FOXP2: variants seen among roughly 807,000 people sequenced by gnomAD.
FOXP2 encodes forkhead box P2.
Under a neutral mutation model 115.8 loss-of-function variants are expected in FOXP2, and 12 were observed. That is an observed-to-expected ratio of 0.10 (90% CI 0.07 to 0.17). The LOEUF (loss-of-function observed/expected upper bound fraction) is 0.17, where lower values mean the gene tolerates loss of function less well. Among genes scored for constraint, FOXP2 ranks in the 10% least tolerant of loss-of-function variants. FOXP2 has a pLI of 1.00. For synonymous variants in FOXP2, 328 were observed against 297.7 expected (o/e 1.10, Z -1.05); for missense variants, 629 against 843.5 (o/e 0.75, Z 3.15).
At chr7:114,269,819 T>C (rs1795990144) in intron 1 of FOXP2, among the ~76,000 whole-genome samples, 1 of 152,180 alleles carries the variant, frequency 6.6e-6, no homozygotes, top group Non-Finnish European at 1.5e-5. Flanking sequence ...AAATTTACAA[T>C]TTTGTATCAA....
intron 3 of FOXP2, among the ~76,000 whole-genome samples, chr7:114,564,832 G>C (rs535428579): frequency 6.8e-6 from 1 of 146,716 alleles, no homozygotes; most frequent in African/African-American, 2.5e-5. Context: ...AGTGAGCCAA[G>C]ATTGCTCCAC....
intron 16 of FOXP2, among the ~76,000 whole-genome samples, chr7:114,680,376 T>C (rs1762178769): frequency 6.6e-6 from 1 of 152,180 alleles, no homozygotes; most frequent in Non-Finnish European, 1.5e-5. Context: ...ATTTGCCAAA[T>C]GGGTAATTTG....
intron 3 of FOXP2, among the ~76,000 whole-genome samples, chr7:114,545,144 T>A (rs1799854085): frequency 6.6e-6 from 1 of 152,170 alleles, no homozygotes; most frequent in African/African-American, 2.4e-5. Context: ...CTGTTCTCTT[T>A]TGGAACAAGA....
chr7:114,565,192 G>A (rs1800951226), intron 3 of FOXP2, among the ~76,000 whole-genome samples: 1 of 151,216 alleles, frequency 6.6e-6, no homozygotes, highest in East Asian at 1.9e-4. Flanking sequence ...AAAATCAGGA[G>A]TCCATGCAAA....
At chr7:114,556,164 C>T (rs1194740764) in intron 3 of FOXP2, among the ~76,000 whole-genome samples, 1 of 152,138 alleles carries the variant, frequency 6.6e-6, no homozygotes, top group Non-Finnish European at 1.5e-5. Context: ...GTTTTTAAAT[C>T]ACTAGTCCTC....
At position 114,690,002 on chromosome 7, in the gene FOXP2, G is replaced by C. The variant is rs772882338; in HGVS notation, c.*76G>C. On this transcript the variant is annotated 3_prime_UTR_variant, in exon 17 of 17. Coordinates refer to ENST00000350908, the MANE Select transcript of FOXP2 (RefSeq NM_014491.4). Reference sequence around the variant, plus strand: ...AACCACTCCACAACCATGAATATTTGACAAATTTTTACTGTGACTATTTAT... The same window carrying C: ...AACCACTCCACAACCATGAATATTTCACAAATTTTTACTGTGACTATTTAT... 6.4e-6 allele frequency: 10 copies of C among 1,570,836 alleles called. No homozygotes were observed. The highest frequency in any genetic ancestry group is 1.7e-4 in the Middle Eastern group (1 of 6,002).
intron 3 of FOXP2, among the ~76,000 whole-genome samples, chr7:114,554,876 G>C (rs1408547138): frequency 1.3e-5 from 2 of 152,038 alleles, no homozygotes; most frequent in African/African-American, 4.8e-5. Flanking sequence ...CCACGTATCT[G>C]TATGATGATT....
At chr7:114,681,853 A>T (rs565587646) in intron 16 of FOXP2, among the ~76,000 whole-genome samples, 2 of 152,284 alleles carry the variant, frequency 1.3e-5, no homozygotes, top group East Asian at 3.9e-4. Context: ...TTGTTTCATG[A>T]CTTTTTTGAT....
At chr7:114,268,704 G>A (rs1241578748) in intron 1 of FOXP2, among the ~76,000 whole-genome samples, 1 of 114,970 alleles carries the variant, frequency 8.7e-6, no homozygotes. Flanking sequence ...TCCCCACTGT[G>A]TGTGTGTGTG....
intron 3 of FOXP2, among the ~76,000 whole-genome samples, chr7:114,563,680 T>A (rs1016180959): frequency 3.9e-5 from 6 of 152,212 alleles, no homozygotes; most frequent in Admixed American, 2.6e-4. Flanking sequence ...GGGCTTTATA[T>A]TTCTTGTCTT....
chr7:114,158,296 G>A (rs55729853), upstream of FOXP2, among the ~76,000 whole-genome samples: 55 of 152,022 alleles, frequency 3.6e-4, no homozygotes, highest in Non-Finnish European at 7.4e-4. Flanking sequence ...TTTAACCCTC[G>A]TGTTAAAAAA....
chr7:114,160,782 C>CTTTGTG (rs1554424195), upstream of FOXP2, among the ~76,000 whole-genome samples: 5 of 147,260 alleles, frequency 3.4e-5, no homozygotes, highest in Non-Finnish European at 7.5e-5. Flanking sequence ...AGTATATTTT[C>CTTTGTG]TGTGTGTGTG....
At chr7:114,677,179 A>G (rs998924141) in intron 16 of FOXP2, among the ~76,000 whole-genome samples, 4 of 139,578 alleles carry the variant, frequency 2.9e-5, no homozygotes, top group African/African-American at 1.0e-4. Flanking sequence ...AAACAAAAAA[A>G]AAAAAAACAA....
chr7:114,553,566 A>G (rs945979386), intron 3 of FOXP2, among the ~76,000 whole-genome samples: 3 of 152,096 alleles, frequency 2.0e-5, no homozygotes, highest in Admixed American at 2.0e-4. Flanking sequence ...TTCTTTTCAC[A>G]ATAGAAGATT....
At chr7:114,534,290 G>T (rs1416340174) in intron 2 of FOXP2, among the ~76,000 whole-genome samples, 1 of 127,236 alleles carries the variant, frequency 7.9e-6, no homozygotes, top group Non-Finnish European at 1.8e-5. Flanking sequence ...ATTTAAAAGG[G>T]AGTGGGCATT....
intron 3 of FOXP2, among the ~76,000 whole-genome samples, chr7:114,571,143 C>T (rs931805336): frequency 6.6e-6 from 1 of 151,872 alleles, no homozygotes; most frequent in Non-Finnish European, 1.5e-5. Context: ...GGCTTTAACA[C>T]CACTATACTT....
At chr7:114,094,191 C>G (rs188456195) in intron 1 of FOXP2, among the ~76,000 whole-genome samples, 1 of 152,074 alleles carries the variant, frequency 6.6e-6, no homozygotes, top group African/African-American at 2.4e-5. Context: ...TTAAACAGAC[C>G]AGATTAAAGA....
At chr7:114,361,126 C>A (rs901920100) in intron 2 of FOXP2, among the ~76,000 whole-genome samples, 1 of 152,054 alleles carries the variant, frequency 6.6e-6, no homozygotes, top group Non-Finnish European at 1.5e-5. Flanking sequence ...TTTCAGAGGT[C>A]TCTCATCAGA....
chr7:114,190,089 G>A (rs1464591957), intron 1 of FOXP2, among the ~76,000 whole-genome samples: 1 of 152,134 alleles, frequency 6.6e-6, no homozygotes, highest in African/African-American at 2.4e-5. Flanking sequence ...TTACTTAAGT[G>A]ATAAGTAACA....
Sources: allele counts gnomAD v4.1 joint callset (sites outside exome capture counted in the v4.1 genomes callset), GRCh38; gene constraint gnomAD v4.1.1; transcripts MANE v1.5; gene names NCBI Gene and HGNC (gene_info 2026-07-23, HGNC 2026-07-21).